The following GPHN variants were observed in gnomAD, a reference collection of about 807,000 sequenced individuals.
GPHN encodes gephyrin.
Under a neutral mutation model 95.5 loss-of-function variants are expected in GPHN, and 17 were observed. The observed-to-expected ratio is 0.18, with a 90% confidence interval of 0.12 to 0.27. The LOEUF is 0.27. Ranked by LOEUF, GPHN falls within the 10% of genes least tolerant of loss-of-function variation. GPHN has a pLI of 1.00. For synonymous variants in GPHN, 320 were observed against 322.5 expected (o/e 0.99, Z 0.08); for missense variants, 660 against 978.1 (o/e 0.67, Z 4.34).
chr14:67,727,179 A>G, the GPHN span: 7 of 1,612,612 alleles, frequency 4.3e-6, no homozygotes, highest in African/African-American at 9.3e-5. Context: ...GAGCTGGCCA[A>G]GAGGCTCCAA....
chr14:66,776,271 A>G (rs1007049677), intron 2 of GPHN, among the ~76,000 whole-genome samples, 193 bp from the exon 3 acceptor site: 5 of 152,112 alleles, frequency 3.3e-5, no homozygotes, highest in South Asian at 2.1e-4. Context: ...TTCTCTGTCA[A>G]TAGTCATTCA....
chr14:66,530,758 C>T (rs545594598), intron 1 of GPHN, among the ~76,000 whole-genome samples: 1 of 152,158 alleles, frequency 6.6e-6, no homozygotes, highest in East Asian at 1.9e-4. Context: ...AATGCCCCAC[C>T]CTGCTTCTGC....
the GPHN span, among the ~76,000 whole-genome samples, chr14:67,628,648 A>G: frequency 6.6e-6 from 1 of 152,172 alleles, no homozygotes; most frequent in East Asian, 1.9e-4. Context: ...GGCATTTGCT[A>G]TTATCCCATT....
intron 14 of GPHN, among the ~76,000 whole-genome samples, chr14:67,111,262 A>G (rs72715376): frequency 0.067 from 10,129 of 152,282 alleles, 358 homozygotes; most frequent in Middle Eastern, 0.085. Context: ...GAAGCCAGCA[A>G]AGCACTGAAT....
At chr14:66,911,952 A>G (rs1010112009) in intron 5 of GPHN, among the ~76,000 whole-genome samples, 14 of 152,024 alleles carry the variant, frequency 9.2e-5, no homozygotes, top group African/African-American at 3.1e-4. Context: ...ATTTTTCGAC[A>G]TTCTCTTAAC....
At chr14:66,589,886 C>T (rs550884750) in intron 1 of GPHN, among the ~76,000 whole-genome samples, 1 of 152,194 alleles carries the variant, frequency 6.6e-6, no homozygotes, top group Non-Finnish European at 1.5e-5. Context: ...ACATTCTTCT[C>T]AGCACCACAT....
At chr14:67,448,596 T>C in the GPHN span, among the ~76,000 whole-genome samples, 1 of 151,574 alleles carries the variant, frequency 6.6e-6, no homozygotes, top group African/African-American at 2.4e-5. Context: ...GGAAGGGGGA[T>C]GGTTTGCAGT....
chr14:67,249,612 A>G, the GPHN span, among the ~76,000 whole-genome samples: 522 of 152,340 alleles, frequency 3.4e-3, 2 homozygotes, highest in African/African-American at 0.012. Context: ...AAATATTAGA[A>G]ATTTTAATTA....
At position 66,577,451 on chromosome 14, in the gene GPHN, G is replaced by C. The variant is rs149468133; in HGVS notation, c.64+68860G>C. 6.6e-5 allele frequency among the ~76,000 whole-genome samples: 10 copies of C among 152,210 alleles called. No homozygotes were observed. In the East Asian group the frequency reaches 1.7e-3, roughly 26 times the overall value. On this transcript the variant is annotated intron_variant, in intron 1 of 22. Coordinates refer to ENST00000478722, the MANE Select transcript of GPHN (RefSeq NM_020806.5). ...AGTTTCAGTTATTTACATATATTATGTAAGTTCCTAGATAAATCTATACAG... is the reference window on the plus strand; with the variant it reads ...AGTTTCAGTTATTTACATATATTATCTAAGTTCCTAGATAAATCTATACAG...
intron 1 of GPHN, among the ~76,000 whole-genome samples, chr14:66,611,643 G>T (rs1210702327): frequency 6.6e-6 from 1 of 152,130 alleles, no homozygotes; most frequent in East Asian, 1.9e-4. Flanking sequence ...TCTGTTTTCA[G>T]TAGGTTAGTT....
At position 67,113,137 on chromosome 14, in the gene GPHN, T is replaced by G; in HGVS notation, c.1592T>G (p.Phe531Cys). The G allele has an allele frequency of 6.2e-7, 1 of 1,613,960 alleles. No homozygotes were observed. The highest frequency in any genetic ancestry group is 8.5e-7 in the Non-Finnish European group (1 of 1,179,850). ...GTCACAGAGGTTGAAGTTAATAAGT[T>G]TCCAGTGGTTGCAGTCATGTCAACA... Reference protein sequence around the residue: ...VGVTEVEVNKFPVVAVMSTGN... With the variant: ...VGVTEVEVNKCPVVAVMSTGN... Residue 531 changes from phenylalanine (F) to cysteine (C), a missense_variant, in exon 16 of 23, where the codon TTT becomes TGT. Coordinates refer to ENST00000478722, the MANE Select transcript of GPHN (RefSeq NM_020806.5).
chr14:67,228,377 C>T, the GPHN span: 129 of 495,870 alleles, frequency 2.6e-4, 1 homozygote, highest in Middle Eastern at 2.0e-3. Context: ...TAAAAATATT[C>T]TCTATTTCAG....
the GPHN span, among the ~76,000 whole-genome samples, chr14:67,494,012 A>C: frequency 1.3e-5 from 2 of 152,066 alleles, no homozygotes; most frequent in Non-Finnish European, 2.9e-5. Flanking sequence ...AACAGTCCAC[A>C]GGAAAGACCA....
intron 1 of GPHN, among the ~76,000 whole-genome samples, chr14:66,604,876 A>T (rs10144466): frequency 0.35 from 44,020 of 127,466 alleles, 10,538 homozygotes; most frequent in African/African-American, 0.67. Context: ...CCTTTAGACA[A>T]CTCTAAATGT....
the GPHN span, among the ~76,000 whole-genome samples, chr14:67,432,355 C>G: frequency 6.6e-6 from 1 of 152,248 alleles, no homozygotes; most frequent in African/African-American, 2.4e-5. Context: ...CACTGCCTTC[C>G]TTGGCGAACG....
the GPHN span, among the ~76,000 whole-genome samples, chr14:67,538,196 A>G: frequency 6.6e-6 from 1 of 152,008 alleles, no homozygotes; most frequent in Non-Finnish European, 1.5e-5. Context: ...CCATTAATGT[A>G]TTTGTGTTAG....
chr14:67,187,280 A>G, the GPHN span, among the ~76,000 whole-genome samples: 2 of 152,236 alleles, frequency 1.3e-5, no homozygotes, highest in African/African-American at 2.4e-5. Flanking sequence ...CCTGCAAACA[A>G]GCACCTCATT....
At chr14:67,009,804 G>C (rs1438013830) in intron 9 of GPHN, among the ~76,000 whole-genome samples, 1 of 151,978 alleles carries the variant, frequency 6.6e-6, no homozygotes, top group African/African-American at 2.4e-5. Context: ...AGACACCCAG[G>C]TTGGTGTGCA....
At chr14:67,037,126 T>A (rs1229319163) in intron 10 of GPHN, among the ~76,000 whole-genome samples, 8 of 151,988 alleles carry the variant, frequency 5.3e-5, no homozygotes, top group Admixed American at 5.2e-4. Flanking sequence ...CAGAAATACA[T>A]GTTCGTGTAT....
Sources: gnomAD v4.1 joint callset for allele counts (sites outside exome capture counted in the v4.1 genomes callset) on GRCh38, gnomAD v4.1.1 for gene constraint, MANE v1.5 for transcripts, NCBI Gene and HGNC (gene_info 2026-07-23, HGNC 2026-07-21) for gene names.